The following ADGRB3 variants were observed in gnomAD, a reference collection of about 807,000 sequenced individuals.
The protein encoded by ADGRB3 is adhesion G protein-coupled receptor B3.
ADGRB3 carries 37 observed loss-of-function variants against 193.4 expected under a neutral mutation model. The ratio of observed to expected loss-of-function variants is 0.19; its 90% CI spans 0.15 to 0.25. The LOEUF is 0.25. Ranked by LOEUF, ADGRB3 falls within the 10% of genes least tolerant of loss-of-function variation. The pLI is 1.00. For synonymous variants in ADGRB3, 690 were observed against 644.2 expected (o/e 1.07, Z -1.08); for missense variants, 1,637 against 1,852.9 (o/e 0.88, Z 2.14).
chr6:69,201,002 T>C (rs936976836), intron 17 of ADGRB3, among the ~76,000 whole-genome samples: 2 of 152,146 alleles, frequency 1.3e-5, no homozygotes, highest in South Asian at 4.1e-4. Context: ...ACAGAAATGC[T>C]TCACAGAGCC....
At chr6:68,932,788 A>G (rs564443528) in intron 4 of ADGRB3, among the ~76,000 whole-genome samples, 6 of 151,532 alleles carry the variant, frequency 4.0e-5, no homozygotes, top group Non-Finnish European at 7.4e-5. Context: ...AGAATAAGGC[A>G]AAAACATACA....
chr6:68,652,517 C>T (rs1768390134), intron 3 of ADGRB3, among the ~76,000 whole-genome samples: 1 of 152,080 alleles, frequency 6.6e-6, no homozygotes, highest in Non-Finnish European at 1.5e-5. Context: ...AGACCTCTTC[C>T]ACCCTGGGCT....
intron 12 of ADGRB3, among the ~76,000 whole-genome samples, chr6:69,016,864 CA>C (rs909746197): frequency 2.0e-5 from 3 of 151,520 alleles, no homozygotes; most frequent in Non-Finnish European, 4.4e-5. Flanking sequence ...ATTTTCAACA[CA>C]AAAAAATAAG....
At chr6:68,651,284 G>T (rs1228816471) in intron 3 of ADGRB3, among the ~76,000 whole-genome samples, 2 of 152,120 alleles carry the variant, frequency 1.3e-5, no homozygotes, top group African/African-American at 4.8e-5. Flanking sequence ...AACAGGCTTT[G>T]CTTTCAAATG....
chr6:69,126,959 C>T (rs1172571258), intron 17 of ADGRB3, among the ~76,000 whole-genome samples: 1 of 152,124 alleles, frequency 6.6e-6, no homozygotes, highest in African/African-American at 2.4e-5. Flanking sequence ...GACAGAATTG[C>T]TTTGCTGGAA....
chr6:69,232,361 A>G, intron 17 of ADGRB3: 2 of 1,372,050 alleles, frequency 1.5e-6, no homozygotes, highest in Non-Finnish European at 1.9e-6. Flanking sequence ...AACAAGACGT[A>G]GGTTGATACC....
At chr6:69,345,245 G>A (rs1456299178) in intron 26 of ADGRB3, among the ~76,000 whole-genome samples, 1 of 152,128 alleles carries the variant, frequency 6.6e-6, no homozygotes, top group African/African-American at 2.4e-5. Flanking sequence ...GAAGGTGGTT[G>A]TACTGATTCT....
intron 3 of ADGRB3, among the ~76,000 whole-genome samples, chr6:68,752,213 A>C (rs1484428944): frequency 1.3e-5 from 2 of 152,056 alleles, no homozygotes; most frequent in Non-Finnish European, 2.9e-5. Context: ...TACTTGGTTA[A>C]GATAGTATAG....
chr6:68,970,018 C>T (rs972972061), intron 8 of ADGRB3, among the ~76,000 whole-genome samples: 1 of 152,220 alleles, frequency 6.6e-6, no homozygotes, highest in Non-Finnish European at 1.5e-5. Context: ...CTGCTGAACT[C>T]GATGCCCCAA....
intron 17 of ADGRB3, among the ~76,000 whole-genome samples, chr6:69,204,084 CCAGTGATGCA>C (rs144079193): frequency 2.2e-3 from 338 of 152,136 alleles, no homozygotes; most frequent in African/African-American, 7.7e-3. Flanking sequence ...GACTGGCTGA[CCAGTGATGCA>C]CTAAGAATAA....
chr6:69,247,261 G>A (rs1174160608), intron 20 of ADGRB3, among the ~76,000 whole-genome samples: 2 of 152,130 alleles, frequency 1.3e-5, no homozygotes, highest in East Asian at 3.8e-4. Context: ...CTGCATTCAG[G>A]GCTGCCTGAA....
intron 12 of ADGRB3, among the ~76,000 whole-genome samples, chr6:69,015,305 A>G (rs1235310023): frequency 6.6e-6 from 1 of 152,030 alleles, no homozygotes; most frequent in Non-Finnish European, 1.5e-5. Context: ...CAAATAATGA[A>G]TGGTGGCAGA....
intron 20 of ADGRB3, among the ~76,000 whole-genome samples, chr6:69,259,120 TA>T (rs1561968928): frequency 1.3e-5 from 2 of 152,090 alleles, no homozygotes; most frequent in Non-Finnish European, 2.9e-5. Flanking sequence ...CACATGATAT[TA>T]AAAGACAGGA....
intron 17 of ADGRB3, among the ~76,000 whole-genome samples, chr6:69,181,236 T>A (rs1217070740): frequency 6.6e-6 from 1 of 152,140 alleles, no homozygotes; most frequent in Non-Finnish European, 1.5e-5. Context: ...TTTCTCTTTA[T>A]GCACTATCTT....
At chr6:68,989,047 A>G (rs936905025) in intron 10 of ADGRB3, among the ~76,000 whole-genome samples, 53 of 152,146 alleles carry the variant, frequency 3.5e-4, no homozygotes, top group African/African-American at 1.2e-3. Context: ...ATCTCTAACA[A>G]CTGTTTCACA....
At chr6:69,381,799 C>A (rs901231637) in intron 30 of ADGRB3, among the ~76,000 whole-genome samples, 1 of 151,764 alleles carries the variant, frequency 6.6e-6, no homozygotes, top group East Asian at 1.9e-4. Context: ...TATAATATAC[C>A]TATGCAAACC....
intron 17 of ADGRB3, among the ~76,000 whole-genome samples, chr6:69,179,979 T>C (rs551015720): frequency 4.3e-4 from 65 of 152,280 alleles, no homozygotes; most frequent in Admixed American, 1.3e-3. Flanking sequence ...AGGAGCCAGA[T>C]GGGCAGGGCC....
At chr6:68,712,961 G>A (rs1303341500) in intron 3 of ADGRB3, among the ~76,000 whole-genome samples, 3 of 151,822 alleles carry the variant, frequency 2.0e-5, no homozygotes, top group Non-Finnish European at 4.4e-5. Flanking sequence ...GGTCAATTTA[G>A]TAGATGTGTT....
chr6:69,271,901 C>G (rs530199271), intron 20 of ADGRB3, among the ~76,000 whole-genome samples: 2 of 152,062 alleles, frequency 1.3e-5, no homozygotes, highest in Non-Finnish European at 2.9e-5. Context: ...TAAAAACATA[C>G]GAATTTTTCC....
Sources: allele counts gnomAD v4.1 joint callset (sites outside exome capture counted in the v4.1 genomes callset), GRCh38; gene constraint gnomAD v4.1.1; transcripts MANE v1.5; gene names NCBI Gene and HGNC (gene_info 2026-07-23, HGNC 2026-07-21).